Variants in LEKR1 observed in about 807,000 individuals in gnomAD.
LEKR1 encodes protein LEKR1.
Under a neutral mutation model 72.4 loss-of-function variants are expected in LEKR1, and 59 were observed. The observed-to-expected ratio is 0.82, with a 90% CI of 0.66 to 1.01. LEKR1 has a LOEUF of 1.01. Among genes scored for constraint, LEKR1 ranks in the 50% least tolerant of loss-of-function variants. The pLI, the probability that LEKR1 is intolerant of heterozygous loss-of-function variation, is 0.00. For missense variants in LEKR1, 728 were observed against 759.2 expected (o/e 0.96, Z 0.48); for synonymous variants, 257 against 263.2 (o/e 0.98, Z 0.23).
At chr3:156,831,108 C>T (rs1030053677) in intron 2 of LEKR1, among the ~76,000 whole-genome samples, 3 of 151,804 alleles carry the variant, frequency 2.0e-5, no homozygotes, top group Admixed American at 6.6e-5. Context: ...GTTTGGCAGG[C>T]GGTGGGGCTA....
At chr3:156,905,835 T>C (rs1011712392) in intron 3 of LEKR1, among the ~76,000 whole-genome samples, 1 of 152,176 alleles carries the variant, frequency 6.6e-6, no homozygotes, top group Non-Finnish European at 1.5e-5. Flanking sequence ...ATTTCTGAAC[T>C]CTGTTTCCCA....
intron 6 of LEKR1, among the ~76,000 whole-genome samples, chr3:156,958,155 T>C (rs1056784903): frequency 6.6e-6 from 1 of 152,074 alleles, no homozygotes; most frequent in African/African-American, 2.4e-5. Context: ...ACCAGGTTGG[T>C]TTTTTTGTTT....
chr3:157,031,273 T>C (rs1338840188), intron 12 of LEKR1, among the ~76,000 whole-genome samples: 1 of 152,078 alleles, frequency 6.6e-6, no homozygotes, highest in African/African-American at 2.4e-5. Context: ...TTTAAAAAAA[T>C]GTGGACTGAA....
At chr3:156,827,848 T>C (rs1711841562) in intron 1 of LEKR1, among the ~76,000 whole-genome samples, 1 of 152,270 alleles carries the variant, frequency 6.6e-6, no homozygotes, top group Non-Finnish European at 1.5e-5. Flanking sequence ...AGATCCGTGC[T>C]CTCAGATAAC....
At chr3:156,860,952 G>A (rs768705303) in intron 3 of LEKR1, among the ~76,000 whole-genome samples, 6 of 152,108 alleles carry the variant, frequency 3.9e-5, no homozygotes, top group Non-Finnish European at 7.4e-5. Flanking sequence ...ATATGAAGGG[G>A]GAAGCAGTCA....
At chr3:157,011,297 G>T in intron 9 of LEKR1, 116 bp from the exon 10 acceptor site, 1 of 691,568 alleles carries the variant, frequency 1.4e-6, no homozygotes. Flanking sequence ...CATATATACT[G>T]CTGAAGAAAA....
chr3:156,995,897 G>T (rs957405276), intron 9 of LEKR1, among the ~76,000 whole-genome samples: 1 of 151,926 alleles, frequency 6.6e-6, no homozygotes, highest in Non-Finnish European at 1.5e-5. Flanking sequence ...GTGATCACAG[G>T]GTTACTCCTA....
intron 9 of LEKR1, among the ~76,000 whole-genome samples, chr3:156,998,282 T>C (rs1452997302): frequency 1.3e-5 from 2 of 152,108 alleles, no homozygotes; most frequent in Admixed American, 6.5e-5. Flanking sequence ...ACTATTTCTA[T>C]AGTAAAATAT....
At chr3:157,000,122 C>T (rs1731892380) in intron 9 of LEKR1, among the ~76,000 whole-genome samples, 1 of 152,168 alleles carries the variant, frequency 6.6e-6, no homozygotes, top group Admixed American at 6.5e-5. Context: ...CCTCTCCTCT[C>T]AATTTCTTGT....
At position 156,928,363 on chromosome 3, in the gene LEKR1, G is replaced by C. The variant is rs371662411; in HGVS notation, c.559+759G>C. ...TACTCTCCCACAGGGTGTCCCTAGT[G>C]GGGGAGCTTTTGCATATGTGGAGAG... is the stretch of plus-strand genomic sequence containing the variant. On this transcript the variant is annotated intron_variant, in intron 5 of 12. Coordinates refer to ENST00000356539, the MANE Select transcript of LEKR1 (RefSeq NM_001004316.3). Among the ~76,000 whole-genome samples the C allele has an allele frequency of 4.6e-5, 7 of 152,096 alleles. No homozygotes were observed. In the South Asian group the frequency reaches 8.3e-4, roughly 18 times the overall value.
At chr3:157,013,056 T>C (rs532454170) in intron 10 of LEKR1, among the ~76,000 whole-genome samples, 1 of 152,234 alleles carries the variant, frequency 6.6e-6, no homozygotes, top group South Asian at 2.1e-4. Flanking sequence ...ACCTACTCTT[T>C]AAGGGACTAG....
At chr3:157,024,532 C>A (rs1734057954) in intron 10 of LEKR1, among the ~76,000 whole-genome samples, 1 of 152,138 alleles carries the variant, frequency 6.6e-6, no homozygotes, top group Non-Finnish European at 1.5e-5. Context: ...AGTTGTAACT[C>A]CTCTACTAAT....
At chr3:157,027,737 G>A (rs1328936836) in intron 11 of LEKR1, among the ~76,000 whole-genome samples, 2 of 152,024 alleles carry the variant, frequency 1.3e-5, no homozygotes, top group South Asian at 2.1e-4. Context: ...TCGTTTGAGC[G>A]CAGGAGGTCA....
chr3:157,045,221 G>A, intron 12 of LEKR1, 119 bp from the exon 13 acceptor site: 1 of 764,136 alleles, frequency 1.3e-6, no homozygotes. Flanking sequence ...GTGTCATAGA[G>A]ACAAAGAATA....
intron 10 of LEKR1, among the ~76,000 whole-genome samples, chr3:157,019,785 T>C (rs1446934493): frequency 6.6e-6 from 1 of 152,106 alleles, no homozygotes; most frequent in Non-Finnish European, 1.5e-5. Context: ...GAAAGGCAAA[T>C]AATGTACCCC....
At chr3:157,031,662 T>G (rs1268501925) in intron 12 of LEKR1, among the ~76,000 whole-genome samples, 1 of 152,112 alleles carries the variant, frequency 6.6e-6, no homozygotes, top group Non-Finnish European at 1.5e-5. Flanking sequence ...TTCCAGACAC[T>G]TGAAATTTCT....
intron 3 of LEKR1, among the ~76,000 whole-genome samples, chr3:156,895,385 G>T (rs1292048156): frequency 6.6e-6 from 1 of 152,128 alleles, no homozygotes; most frequent in Non-Finnish European, 1.5e-5. Flanking sequence ...AGGCCAAGGT[G>T]GGTGGATCAA....
At chr3:157,015,844 C>G (rs1733271742) in intron 10 of LEKR1, among the ~76,000 whole-genome samples, 1 of 151,888 alleles carries the variant, frequency 6.6e-6, no homozygotes, top group Admixed American at 6.6e-5. Flanking sequence ...AAAAATTGAC[C>G]ATGTTAAGCA....
intron 6 of LEKR1, among the ~76,000 whole-genome samples, chr3:156,964,768 T>G (rs979308274): frequency 6.6e-6 from 1 of 152,158 alleles, no homozygotes; most frequent in Non-Finnish European, 1.5e-5. Context: ...GTAAGCATGA[T>G]CTCTGATTAT....
Sources: gnomAD v4.1 joint callset for allele counts (sites outside exome capture counted in the v4.1 genomes callset) on GRCh38, gnomAD v4.1.1 for gene constraint, MANE v1.5 for transcripts, NCBI Gene and HGNC (gene_info 2026-07-23, HGNC 2026-07-21) for gene names.